The following MSRA variants were observed in gnomAD, a reference collection of about 807,000 sequenced individuals.
The protein encoded by MSRA is methionine sulfoxide reductase A, also known as mitochondrial peptide methionine sulfoxide reductase.
MSRA carries 54 observed loss-of-function variants against 31.3 expected under a neutral mutation model. That is an observed-to-expected ratio of 1.73 (90% CI 1.39 to 2.17). The LOEUF is 2.17. Ranked by LOEUF, MSRA falls within the 30% of genes most tolerant of loss-of-function variation. The pLI is 0.00. For missense variants in MSRA, 507 were observed against 300.9 expected, an observed-to-expected ratio of 1.69 and a Z score of -5.07; for synonymous variants, 169 against 116.5, an observed-to-expected ratio of 1.45 and a Z score of -2.90.
intron 2 of MSRA, among the ~76,000 whole-genome samples, chr8:10,228,101 G>T (rs1167112615): frequency 6.6e-6 from 1 of 152,074 alleles, no homozygotes; most frequent in East Asian, 1.9e-4. Flanking sequence ...ATGTGTGTCC[G>T]TGGCCAGGGT....
At chr8:10,266,601 C>G (rs149100597) in intron 3 of MSRA, among the ~76,000 whole-genome samples, 2,246 of 151,394 alleles carry the variant, frequency 0.015, 65 homozygotes, top group African/African-American at 0.051. Context: ...GAGATCCAGT[C>G]TATCGGTTTT....
chr8:10,087,941 T>C (rs1302263775), intron 1 of MSRA, among the ~76,000 whole-genome samples: 1 of 152,200 alleles, frequency 6.6e-6, no homozygotes, highest in African/African-American at 2.4e-5. Flanking sequence ...GCAAAAGTAA[T>C]TGCGGTTTTT....
At chr8:10,288,429 G>C (rs918476970) in intron 3 of MSRA, among the ~76,000 whole-genome samples, 1 of 152,184 alleles carries the variant, frequency 6.6e-6, no homozygotes, top group Non-Finnish European at 1.5e-5. Flanking sequence ...GTGCTGTGCA[G>C]ATATTCTAAA....
At chr8:10,193,207 T>C (rs1036786348) in intron 1 of MSRA, among the ~76,000 whole-genome samples, 13 of 152,198 alleles carry the variant, frequency 8.5e-5, no homozygotes, top group African/African-American at 3.1e-4. Flanking sequence ...TAGGGTCTTA[T>C]TCAGGTGCTT....
chr8:10,276,838 G>T (rs546969148), intron 3 of MSRA, among the ~76,000 whole-genome samples: 1 of 152,110 alleles, frequency 6.6e-6, no homozygotes, highest in Non-Finnish European at 1.5e-5. Context: ...CCACCTCCCC[G>T]AGGTCTACAT....
At chr8:10,260,749 G>A (rs906274426) in intron 3 of MSRA, among the ~76,000 whole-genome samples, 1 of 152,148 alleles carries the variant, frequency 6.6e-6, no homozygotes, top group African/African-American at 2.4e-5. Flanking sequence ...AAATTACATT[G>A]TGTGCGTGTG....
intron 5 of MSRA, among the ~76,000 whole-genome samples, chr8:10,420,424 T>C (rs1808738092): frequency 6.6e-6 from 1 of 152,208 alleles, no homozygotes; most frequent in South Asian, 2.1e-4. Context: ...TCCATTTGTA[T>C]TGTATAACAA....
At chr8:10,273,329 C>T (rs1165211577) in intron 3 of MSRA, among the ~76,000 whole-genome samples, 2 of 152,158 alleles carry the variant, frequency 1.3e-5, no homozygotes, top group Non-Finnish European at 2.9e-5. Flanking sequence ...CTTGAAATAA[C>T]ACATTTATAC....
chr8:10,182,410 A>G (rs1806625270), intron 1 of MSRA, among the ~76,000 whole-genome samples: 1 of 152,190 alleles, frequency 6.6e-6, no homozygotes, highest in African/African-American at 2.4e-5. Flanking sequence ...GAATCCGGAC[A>G]CAGCTCAGCT....
chr8:10,422,616 AG>A (rs1243773246), intron 5 of MSRA, among the ~76,000 whole-genome samples: 1 of 152,212 alleles, frequency 6.6e-6, no homozygotes, highest in Admixed American at 6.5e-5. Context: ...CACAAGCAAA[AG>A]TCAAGATACT....
intron 1 of MSRA, among the ~76,000 whole-genome samples, chr8:10,180,639 T>C (rs931217949): frequency 5.3e-5 from 8 of 152,154 alleles, no homozygotes; most frequent in Non-Finnish European, 8.8e-5. Context: ...CCCCCATCAC[T>C]CAGAATACCA....
At chr8:10,173,919 C>A (rs1349057167) in intron 1 of MSRA, among the ~76,000 whole-genome samples, 1 of 152,148 alleles carries the variant, frequency 6.6e-6, no homozygotes, top group African/African-American at 2.4e-5. Flanking sequence ...GGCTAATGGT[C>A]CCAGCGTGCT....
rs191203403 is a variant in MSRA, at chr8:10,397,718, C to T, written c.544-30430C>T. 1.6e-4 allele frequency among the ~76,000 whole-genome samples: 24 copies of T among 152,334 alleles called. No individual in the cohort carries two copies. The East Asian group carries it at 4.6e-3, about 29-fold the overall frequency. Reference sequence around the variant, plus strand: ...TTCATGCTCTCATGCTCTCAAATTCCATGTAAAAATATTTTGCGTGGAACA... The same window carrying T: ...TTCATGCTCTCATGCTCTCAAATTCTATGTAAAAATATTTTGCGTGGAACA... On this transcript the variant is annotated intron_variant, in intron 5 of 5. Coordinates refer to ENST00000317173, the MANE Select transcript of MSRA (RefSeq NM_012331.5).
chr8:10,206,261 C>T (rs1425882291), intron 1 of MSRA, among the ~76,000 whole-genome samples: 1 of 152,188 alleles, frequency 6.6e-6, no homozygotes, highest in Non-Finnish European at 1.5e-5. Context: ...TCAGTGAATG[C>T]TTGACAGGGT....
chr8:10,060,471 T>G (rs1304175945), intron 1 of MSRA, among the ~76,000 whole-genome samples: 1 of 152,216 alleles, frequency 6.6e-6, no homozygotes, highest in Non-Finnish European at 1.5e-5. Flanking sequence ...GGGGGCTGTG[T>G]AATGAGGATG....
At chr8:10,242,098 C>T (rs141884757) in intron 2 of MSRA, among the ~76,000 whole-genome samples, 2 of 152,038 alleles carry the variant, frequency 1.3e-5, no homozygotes, top group Non-Finnish European at 2.9e-5. Context: ...ATGGCGAAAC[C>T]CCATCTCTAC....
At chr8:10,271,190 C>G (rs1799017593) in intron 3 of MSRA, among the ~76,000 whole-genome samples, 1 of 151,716 alleles carries the variant, frequency 6.6e-6, no homozygotes, top group Admixed American at 6.6e-5. Flanking sequence ...AAAGACATGT[C>G]ACTATATCAA....
At chr8:10,360,526 C>T (rs376372128) in intron 5 of MSRA, among the ~76,000 whole-genome samples, 1 of 152,128 alleles carries the variant, frequency 6.6e-6, no homozygotes, top group African/African-American at 2.4e-5. Flanking sequence ...CATCCCAGAG[C>T]CCCCCAGCAA....
intron 5 of MSRA, among the ~76,000 whole-genome samples, chr8:10,350,879 G>T (rs1012628434): frequency 6.6e-6 from 1 of 152,246 alleles, no homozygotes; most frequent in Non-Finnish European, 1.5e-5. Flanking sequence ...TCAGCTGTCA[G>T]GGAGGGGAAG....
Sources: allele counts gnomAD v4.1 joint callset (sites outside exome capture counted in the v4.1 genomes callset), GRCh38; gene constraint gnomAD v4.1.1; transcripts MANE v1.5; gene names NCBI Gene and HGNC (gene_info 2026-07-23, HGNC 2026-07-21).